Variants in CDKAL1 observed in about 807,000 individuals in gnomAD.
The protein encoded by CDKAL1 is threonylcarbamoyladenosine tRNA methylthiotransferase.
Under a neutral mutation model 68.2 loss-of-function variants are expected in CDKAL1, and 32 were observed. The ratio of observed to expected loss-of-function variants is 0.47; its 90% CI spans 0.35 to 0.63. The LOEUF (loss-of-function observed/expected upper bound fraction) is 0.63, where lower values mean the gene tolerates loss of function less well. CDKAL1 is among the 30% of genes least tolerant of loss of function. The pLI, the probability that CDKAL1 is intolerant of heterozygous loss-of-function variation, is 0.00. For missense variants in CDKAL1, 606 were observed against 696.7 expected, an observed-to-expected ratio of 0.87 and a Z score of 1.47; for synonymous variants, 234 against 244.3, an observed-to-expected ratio of 0.96 and a Z score of 0.39.
chr6:20,646,048 A>ATTTTTTTTTTTTTTTTTTTTT (rs1171622769), intron 4 of CDKAL1, among the ~76,000 whole-genome samples: 1 of 87,364 alleles, frequency 1.1e-5, no homozygotes, highest in East Asian at 3.8e-4. Context: ...TCACGGTTAA[A>ATTTTTTTTTTTTTTTTTTTTT]TTTTTTTTTT....
chr6:20,702,046 G>T (rs1771386087), intron 5 of CDKAL1, among the ~76,000 whole-genome samples: 1 of 152,164 alleles, frequency 6.6e-6, no homozygotes, highest in African/African-American at 2.4e-5. Flanking sequence ...TCTCAGAAAA[G>T]GAGAAGAAAT....
At position 21,078,697 on chromosome 6, in the gene CDKAL1, T is replaced by G. The variant is rs529648831; in HGVS notation, c.1236+13469T>G. On this transcript the variant is annotated intron_variant, in intron 12 of 15. Transcript: ENST00000274695. ...TCCCCTGCCTCAGATTCCTTCCTCGTCCTCTCACACAGCGGGGTGCAGGGT... is the reference window on the plus strand; with the variant it reads ...TCCCCTGCCTCAGATTCCTTCCTCGGCCTCTCACACAGCGGGGTGCAGGGT... 3.7e-4 allele frequency among the ~76,000 whole-genome samples: 56 copies of G among 152,228 alleles called. 1 individual carries two copies. Among genetic ancestry groups the G allele is most frequent in the African/African-American group, 1.2e-3 (50 of 41,540 alleles).
At chr6:20,554,026 G>A (rs1420882811) in intron 4 of CDKAL1, among the ~76,000 whole-genome samples, 1 of 151,704 alleles carries the variant, frequency 6.6e-6, no homozygotes, top group Non-Finnish European at 1.5e-5. Flanking sequence ...TGCCATGTTG[G>A]CCAGACTGGT....
intron 5 of CDKAL1, among the ~76,000 whole-genome samples, chr6:20,715,690 C>G (rs912612204): frequency 6.6e-6 from 1 of 152,188 alleles, no homozygotes. Context: ...CACAAGGGTT[C>G]TCTTTCCACC....
In CDKAL1 at chr6:20,739,582, C is replaced by T. The variant is rs767746943; in HGVS notation, c.435C>T (p.Arg145=). The change falls in exon 6 of 16, where the codon CGC becomes CGT. Residue 145 remains arginine, a synonymous_variant. Coordinates refer to ENST00000274695, the MANE Select transcript of CDKAL1 (RefSeq NM_017774.3). ...LAGCVPQAQP[R]QDYLKGLSII... Reference sequence around the variant, plus strand: ...GATGCGTTCCTCAAGCCCAGCCTCGCCAGGACTACCTTAAGGGACTGAGTA... The same window carrying T: ...GATGCGTTCCTCAAGCCCAGCCTCGTCAGGACTACCTTAAGGGACTGAGTA... The T allele has an allele frequency of 6.2e-7, 1 of 1,612,544 alleles. No individual in the cohort carries two copies. The highest frequency in any genetic ancestry group is 1.7e-4 in the Middle Eastern group (1 of 6,060).
intron 8 of CDKAL1, among the ~76,000 whole-genome samples, chr6:20,793,007 C>G (rs1775961534): frequency 6.6e-6 from 1 of 152,100 alleles, no homozygotes; most frequent in Non-Finnish European, 1.5e-5. Context: ...AAAATAGGCT[C>G]ATACAATAAT....
At chr6:20,754,238 C>T (rs1434385934) in intron 6 of CDKAL1, among the ~76,000 whole-genome samples, 1 of 152,120 alleles carries the variant, frequency 6.6e-6, no homozygotes, top group African/African-American at 2.4e-5. Flanking sequence ...CCATATTGGC[C>T]TCCCAAAGTG....
chr6:21,027,575 G>T (rs1769030208), intron 11 of CDKAL1, among the ~76,000 whole-genome samples: 1 of 152,174 alleles, frequency 6.6e-6, no homozygotes, highest in African/African-American at 2.4e-5. Flanking sequence ...ATGGATTAAT[G>T]CTGTTATCAC....
chr6:20,925,033 T>G (rs1257109205), intron 9 of CDKAL1, among the ~76,000 whole-genome samples: 2 of 152,228 alleles, frequency 1.3e-5, no homozygotes. Flanking sequence ...GAGAATCTTT[T>G]GTGGAAGGAA....
At chr6:20,960,143 G>A (rs1221918417) in intron 10 of CDKAL1, among the ~76,000 whole-genome samples, 1 of 152,016 alleles carries the variant, frequency 6.6e-6, no homozygotes, top group African/African-American at 2.4e-5. Context: ...TTTGAGATGG[G>A]GTTTTGCTTT....
intron 9 of CDKAL1, among the ~76,000 whole-genome samples, chr6:20,902,582 A>C (rs1254926520): frequency 1.3e-5 from 2 of 152,212 alleles, no homozygotes; most frequent in African/African-American, 4.8e-5. Flanking sequence ...AGGCAGTTGA[A>C]TATATGGCTA....
chr6:21,027,995 A>G (rs956956576), intron 11 of CDKAL1, among the ~76,000 whole-genome samples: 2 of 152,118 alleles, frequency 1.3e-5, no homozygotes, highest in African/African-American at 4.8e-5. Flanking sequence ...AGGAAGACAT[A>G]AGGGTGGACT....
chr6:20,643,525 C>CAGAT (rs1345018877), intron 4 of CDKAL1, among the ~76,000 whole-genome samples: 1 of 152,162 alleles, frequency 6.6e-6, no homozygotes, highest in East Asian at 1.9e-4. Context: ...TAGTTGATGG[C>CAGAT]ATCTTAGAAG....
intron 9 of CDKAL1, among the ~76,000 whole-genome samples, chr6:20,856,845 G>A (rs1467145103): frequency 1.3e-5 from 2 of 152,212 alleles, no homozygotes; most frequent in African/African-American, 4.8e-5. Context: ...TTGTAAACCC[G>A]ACCTTTGTGA....
intron 4 of CDKAL1, among the ~76,000 whole-genome samples, chr6:20,572,143 T>C (rs991985965): frequency 6.6e-6 from 1 of 152,158 alleles, no homozygotes; most frequent in African/African-American, 2.4e-5. Flanking sequence ...GTTAGCTTTA[T>C]TGAATGTAAA....
intron 8 of CDKAL1, among the ~76,000 whole-genome samples, chr6:20,810,627 G>GTGT (rs1776769287): frequency 7.4e-6 from 1 of 134,672 alleles, no homozygotes; most frequent in South Asian, 2.7e-4. Context: ...TGTATGTATG[G>GTGT]GTGTGTGTGT....
At chr6:20,860,391 A>T (rs1197833513) in intron 9 of CDKAL1, among the ~76,000 whole-genome samples, 1 of 152,194 alleles carries the variant, frequency 6.6e-6, no homozygotes, top group Non-Finnish European at 1.5e-5. Context: ...AGCATTTATC[A>T]TAATTTGTAC....
chr6:21,170,603 C>G (rs573557755), intron 13 of CDKAL1, among the ~76,000 whole-genome samples: 2 of 152,274 alleles, frequency 1.3e-5, no homozygotes, highest in African/African-American at 4.8e-5. Flanking sequence ...GCTGGGATTA[C>G]AGGCGTGAGC....
At chr6:20,822,179 C>G (rs947795182) in intron 8 of CDKAL1, among the ~76,000 whole-genome samples, 8 of 152,110 alleles carry the variant, frequency 5.3e-5, no homozygotes, top group African/African-American at 1.9e-4. Context: ...GAGCATTATA[C>G]TGAGTATATG....
Sources: gnomAD v4.1 joint callset for allele counts (sites outside exome capture counted in the v4.1 genomes callset) on GRCh38, gnomAD v4.1.1 for gene constraint, MANE v1.5 for transcripts, NCBI Gene and HGNC (gene_info 2026-07-23, HGNC 2026-07-21) for gene names.